The following ADGRG2 variants were observed in gnomAD, a reference collection of about 807,000 sequenced individuals.
ADGRG2 encodes G protein-coupled receptor 64.
A neutral mutation model predicts 74.1 loss-of-function variants in ADGRG2; 26 were observed. The ratio of observed to expected loss-of-function variants is 0.35; its 90% CI spans 0.26 to 0.49. The LOEUF (loss-of-function observed/expected upper bound fraction) is 0.49. Among genes scored for constraint, ADGRG2 ranks in the 20% least tolerant of loss-of-function variants. The pLI, the probability that ADGRG2 is intolerant of heterozygous loss-of-function variation, is 0.99. For missense variants in ADGRG2, 619 were observed against 763.1 expected, an observed-to-expected ratio of 0.81 and a Z score of 2.22; for synonymous variants, 296 against 295.2, an observed-to-expected ratio of 1.00 and a Z score of -0.03.
At chrX:19,017,236 A>G (rs1328573706) in intron 15 of ADGRG2, among the ~76,000 whole-genome samples, 1 of 112,044 alleles carries the variant, frequency 8.9e-6, no homozygotes, top group African/African-American at 3.2e-5. Flanking sequence ...TTTTAACAAG[A>G]TCCTGAGTGA....
chrX:19,011,911 GA>G (rs1569371008), intron 16 of ADGRG2, among the ~76,000 whole-genome samples: 1 of 111,939 alleles, frequency 8.9e-6, no homozygotes, highest in African/African-American at 3.2e-5. Context: ...TTTTAATAGG[GA>G]AACAATGATA....
chrX:19,027,128 C>T, intron 11 of ADGRG2, 91 bp downstream of exon 11: 1 of 666,954 alleles, frequency 1.5e-6, no homozygotes, highest in South Asian at 2.2e-5. Context: ...GGTCTCTTTC[C>T]CATTCTCAGT....
chrX:19,118,794 A>G (rs956998393), intron 1 of ADGRG2, among the ~76,000 whole-genome samples: 18 of 112,459 alleles, frequency 1.6e-4, no homozygotes, highest in African/African-American at 5.8e-4. Flanking sequence ...GAATATTTAT[A>G]TTGGCTTTAT....
Position 19,053,450 on chromosome X carries a change from G to A in ADGRG2, c.119-13226C>T, listed in dbSNP as rs139915380. Reference sequence around the variant, plus strand: ...GAACTCCCATAGTCCACGTGACCCTGTCCTGCACCCCTAAAGAAGGCAGTG... The same window carrying A: ...GAACTCCCATAGTCCACGTGACCCTATCCTGCACCCCTAAAGAAGGCAGTG... On this transcript the variant is annotated intron_variant, in intron 3 of 28. Coordinates refer to ENST00000379869, the MANE Select transcript of ADGRG2 (RefSeq NM_001079858.3). 2.7e-5 allele frequency among the ~76,000 whole-genome samples: 3 copies of A among 111,527 alleles called. No individual in the cohort carries two copies. The East Asian group carries it at 8.5e-4, about 32-fold the overall frequency.
intron 20 of ADGRG2, 122 bp downstream of exon 20, chrX:19,007,113 A>G: frequency 1.5e-6 from 1 of 673,544 alleles, no homozygotes; most frequent in Non-Finnish European, 2.3e-6. Context: ...AGTCCTGCAA[A>G]CTACTCCAGC....
intron 1 of ADGRG2, among the ~76,000 whole-genome samples, chrX:19,094,951 G>A (rs1403426629): frequency 8.9e-6 from 1 of 112,031 alleles, no homozygotes; most frequent in African/African-American, 3.2e-5. Flanking sequence ...ACCCGCCCAG[G>A]GCTGGGATGT....
intron 15 of ADGRG2, among the ~76,000 whole-genome samples, chrX:19,016,696 T>TC (rs1334975766): frequency 2.1e-5 from 1 of 48,395 alleles, no homozygotes; most frequent in Non-Finnish European, 3.4e-5. Context: ...CCCTCCCCCC[T>TC]CCCCCCACCC....
At chrX:19,071,085 A>G (rs150007863) in intron 2 of ADGRG2, among the ~76,000 whole-genome samples, 2,987 of 111,291 alleles carry the variant, frequency 0.027, 53 homozygotes, top group Non-Finnish European at 0.046. Context: ...AAGGGGTTTT[A>G]TAAGTCAGAG....
intron 3 of ADGRG2, among the ~76,000 whole-genome samples, chrX:19,057,925 A>C (rs1396036370): frequency 4.5e-5 from 5 of 112,310 alleles, no homozygotes; most frequent in Non-Finnish European, 9.4e-5. Flanking sequence ...GCTGATCACA[A>C]ACACTGGATA....
intron 9 of ADGRG2, among the ~76,000 whole-genome samples, chrX:19,030,101 T>C (rs766426924): frequency 8.9e-6 from 1 of 112,398 alleles, no homozygotes; most frequent in South Asian, 3.7e-4. Context: ...TTGTTACCTA[T>C]GTTTTTCAAA....
chrX:19,016,335 A>G (rs1210864105), intron 15 of ADGRG2, among the ~76,000 whole-genome samples: 1 of 110,153 alleles, frequency 9.1e-6, no homozygotes, highest in Admixed American at 9.7e-5. Context: ...TCTAATGTAC[A>G]GTTAAACCTA....
intron 2 of ADGRG2, among the ~76,000 whole-genome samples, chrX:19,069,233 A>G (rs1449300467): frequency 8.9e-6 from 1 of 111,782 alleles, no homozygotes; most frequent in Non-Finnish European, 1.9e-5. Flanking sequence ...GGGTCTCGCT[A>G]TGTAGCCCAG....
chrX:19,008,171 T>G (rs768602410), intron 18 of ADGRG2, 48 bp from the exon 19 acceptor site: 12 of 978,635 alleles, frequency 1.2e-5, no homozygotes, highest in Middle Eastern at 2.8e-4. Context: ...GCTAGTATAA[T>G]GAGATGGAAA....
At chrX:19,106,074 GGCGTTATCAA>G (rs1243103647) in intron 1 of ADGRG2, among the ~76,000 whole-genome samples, 3 of 111,107 alleles carry the variant, frequency 2.7e-5, no homozygotes, top group African/African-American at 6.6e-5. Context: ...GCCAATAGAT[GGCGTTATCAA>G]GCCAGTCACC....
intron 23 of ADGRG2, 144 bp from the exon 24 acceptor site, chrX:19,003,258 G>T: frequency 2.2e-6 from 1 of 458,632 alleles, no homozygotes; most frequent in Non-Finnish European, 3.8e-6. Flanking sequence ...TCTGCCTCCT[G>T]GGCTCAAGCG....
intron 24 of ADGRG2, among the ~76,000 whole-genome samples, chrX:19,000,359 T>C (rs1298261763): frequency 1.8e-5 from 2 of 111,653 alleles, no homozygotes; most frequent in East Asian, 5.7e-4. Flanking sequence ...CCTATTTACA[T>C]CTTGTAGCAG....
At chrX:19,000,292 C>T (rs754512355) in intron 24 of ADGRG2, among the ~76,000 whole-genome samples, 13 of 111,971 alleles carry the variant, frequency 1.2e-4, no homozygotes, top group Admixed American at 3.8e-4. Context: ...CCACCGCACC[C>T]GGCTGGTCAC....
intron 28 of ADGRG2, among the ~76,000 whole-genome samples, chrX:18,991,500 A>G (rs754886947): frequency 1.8e-5 from 2 of 112,403 alleles, no homozygotes; most frequent in Non-Finnish European, 3.8e-5. Context: ...GTTCCTATAA[A>G]ATGAAACTTT....
At chrX:19,075,388 G>A (rs764522397) in intron 2 of ADGRG2, among the ~76,000 whole-genome samples, 10 of 110,457 alleles carry the variant, frequency 9.1e-5, no homozygotes, top group Middle Eastern at 4.6e-3. Context: ...AGGCCGAGGC[G>A]GATGGATCAC....
Sources: gnomAD v4.1 joint callset for allele counts (sites outside exome capture counted in the v4.1 genomes callset) on GRCh38, gnomAD v4.1.1 for gene constraint, MANE v1.5 for transcripts, NCBI Gene and HGNC (gene_info 2026-07-23, HGNC 2026-07-21) for gene names.